The following MAP3K3 variants were observed in gnomAD, a reference collection of about 807,000 sequenced individuals.
MAP3K3 encodes MAP/ERK kinase kinase 3.
Under a neutral mutation model 80.9 loss-of-function variants are expected in MAP3K3, and 12 were observed. The ratio of observed to expected loss-of-function variants is 0.15; its 90% CI spans 0.10 to 0.24. The LOEUF (loss-of-function observed/expected upper bound fraction) is 0.24. MAP3K3 is among the 10% of genes least tolerant of loss of function. MAP3K3 has a pLI of 1.00. For synonymous variants in MAP3K3, 272 were observed against 307.1 expected (o/e 0.89, Z 1.19); for missense variants, 596 against 834.7 (o/e 0.71, Z 3.52).
At chr17:63,677,665 G>A (rs1329795145) in intron 6 of MAP3K3, among the ~76,000 whole-genome samples, 1 of 152,156 alleles carries the variant, frequency 6.6e-6, no homozygotes, top group Non-Finnish European at 1.5e-5. Flanking sequence ...CCTGGCCTCT[G>A]ACTCCCAAAT....
At position 63,648,684 on chromosome 17, in the gene MAP3K3, C is replaced by T. The variant is rs150019221; in HGVS notation, c.167+2610C>T. On this transcript the variant is annotated intron_variant, in intron 3 of 15. Coordinates refer to ENST00000361733, the MANE Select transcript of MAP3K3 (RefSeq NM_002401.5). ...ACAAAAATTAGCCGGGCGTGGTGGC[C>T]GGCGTCTGTAGTCCCAGCTACTCGG... is the stretch of plus-strand genomic sequence containing the variant. Among the ~76,000 whole-genome samples, 1,226 of 151,978 alleles carry T rather than the reference C, an allele frequency of 8.1e-3. 21 individuals are homozygous for T. The highest frequency in any genetic ancestry group is 0.028 in the African/African-American group (1,153 of 41,456).
chr17:63,651,756 A>G (rs1006190727), intron 3 of MAP3K3, among the ~76,000 whole-genome samples: 1 of 152,216 alleles, frequency 6.6e-6, no homozygotes, highest in East Asian at 1.9e-4. Context: ...GAAAATCTTC[A>G]ATGTCAATAC....
chr17:63,680,632 G>A lies in MAP3K3; in HGVS notation c.503-1134G>A, dbSNP rs75041420. Among the ~76,000 whole-genome samples the A allele has an allele frequency of 3.0e-3, 462 of 152,226 alleles. 18 individuals carry two copies. The East Asian group carries it at 0.078, about 26-fold the overall frequency. On this transcript the variant is annotated intron_variant, in intron 6 of 15. Coordinates refer to ENST00000361733, the MANE Select transcript of MAP3K3 (RefSeq NM_002401.5). ...AAATCCCTTATGGCAGAAAAACATT[G>A]CTCAGTGACTTACAAAGTGTGTCAT...
intron 1 of MAP3K3, among the ~76,000 whole-genome samples, chr17:63,626,073 C>T (rs2034095783): frequency 6.6e-6 from 1 of 152,068 alleles, no homozygotes; most frequent in African/African-American, 2.4e-5. Flanking sequence ...GAGACCCTGT[C>T]TCTAAAACAA....
chr17:63,691,662 G>T lies in MAP3K3; in HGVS notation c.1345-71G>T. Reference sequence around the variant, plus strand: ...AATCACTCCTTTGCTGCCATGCTGGGGGCTGGAATGGGCTTGCCCCTCCAC... The same window carrying T: ...AATCACTCCTTTGCTGCCATGCTGGTGGCTGGAATGGGCTTGCCCCTCCAC... On this transcript the variant is annotated intron_variant, in intron 13 of 15. Coordinates refer to ENST00000361733, the MANE Select transcript of MAP3K3 (RefSeq NM_002401.5). The surrounding 1 kb of genome is among the most constrained non-coding windows in gnomAD (Gnocchi z 4.8). 1.3e-6 allele frequency: 2 copies of T among 1,568,226 alleles called. No individual in the cohort carries two copies. The highest frequency in any genetic ancestry group is 2.3e-5 in the South Asian group (2 of 86,292).
At position 63,649,753 on chromosome 17, in the gene MAP3K3, T is replaced by C. The variant is rs150335981; in HGVS notation, c.168-2804T>C. On this transcript the variant is annotated intron_variant, in intron 3 of 15. Coordinates refer to ENST00000361733, the MANE Select transcript of MAP3K3 (RefSeq NM_002401.5). The stretch of plus-strand genomic sequence containing the variant: ...ATCAATTTAAATTTAAATAGTCATA[T>C]GTGGCTAATGGCTGCCATATTGAAT... Among the ~76,000 whole-genome samples, 127 of 152,376 alleles carry C rather than the reference T, an allele frequency of 8.3e-4. 2 individuals are homozygous for C. The highest frequency in any genetic ancestry group is 3.0e-3 in the African/African-American group (124 of 41,592).
rs898252633 is a variant in MAP3K3, at chr17:63,693,281, C to G, written c.1653-268C>G. Among the ~76,000 whole-genome samples, 7 of 152,338 alleles carry G rather than the reference C, an allele frequency of 4.6e-5. No homozygotes were observed. Among genetic ancestry groups the G allele is most frequent in the Middle Eastern group, 6.8e-3 (2 of 294 alleles). ...GTTTGTGGTCATTTGTTAAGAGCAG[C>G]TATGGGTAGCTAATACAGTTATTGT... On this transcript the variant is annotated intron_variant, in intron 15 of 15. Coordinates refer to ENST00000361733, the MANE Select transcript of MAP3K3 (RefSeq NM_002401.5). This position sits in a 1 kb window ranked among gnomAD's most constrained non-coding sequence, Gnocchi z 4.2.
In MAP3K3 at chr17:63,655,527, T is replaced by G. The variant is rs941393546; in HGVS notation, c.268-2267T>G. Among the ~76,000 whole-genome samples the G allele has an allele frequency of 4.6e-5, 7 of 152,196 alleles. 1 individual carries two copies. Among genetic ancestry groups the G allele is most frequent in the African/African-American group, 1.7e-4 (7 of 41,446 alleles). On this transcript the variant is annotated intron_variant, in intron 4 of 15. Coordinates refer to ENST00000361733, the MANE Select transcript of MAP3K3 (RefSeq NM_002401.5). ...TTTGGTTTGAGACAGGGTTTCACTTTGTTGCGCAGGCCAGAGTGCAGTGTG... is the reference window on the plus strand; with the variant it reads ...TTTGGTTTGAGACAGGGTTTCACTTGGTTGCGCAGGCCAGAGTGCAGTGTG...
At chr17:63,653,961 C>T (rs2034711572) in intron 4 of MAP3K3, among the ~76,000 whole-genome samples, 1 of 152,052 alleles carries the variant, frequency 6.6e-6, no homozygotes, top group Non-Finnish European at 1.5e-5. Context: ...TGACCTCCTG[C>T]GCTCAAGCGA....
At chr17:63,641,154 G>C (rs1376201120) in intron 2 of MAP3K3, among the ~76,000 whole-genome samples, 2 of 151,960 alleles carry the variant, frequency 1.3e-5, no homozygotes, top group Admixed American at 6.6e-5. Context: ...TAATTCTTTT[G>C]ATAATTCCGT....
chr17:63,663,501 A>G (rs1252839088), intron 5 of MAP3K3, among the ~76,000 whole-genome samples: 1 of 136,922 alleles, frequency 7.3e-6, no homozygotes, highest in African/African-American at 3.0e-5. Flanking sequence ...ACTCCGTCTC[A>G]AAAAAAAAAA....
At chr17:63,687,389 G>A (rs1232136758) in intron 8 of MAP3K3, among the ~76,000 whole-genome samples, 2 of 151,186 alleles carry the variant, frequency 1.3e-5, no homozygotes, top group African/African-American at 4.9e-5. Flanking sequence ...GGCAGGCGCC[G>A]TAATCCCAGC....
intron 2 of MAP3K3, among the ~76,000 whole-genome samples, chr17:63,635,605 A>G (rs977520228): frequency 2.6e-5 from 4 of 152,216 alleles, no homozygotes; most frequent in Non-Finnish European, 4.4e-5. Context: ...GGTAAGAGGT[A>G]GTGCGGGGAA....
At chr17:63,632,047 T>C (rs1016583185) in intron 1 of MAP3K3, among the ~76,000 whole-genome samples, 4 of 152,206 alleles carry the variant, frequency 2.6e-5, no homozygotes, top group African/African-American at 9.7e-5. Context: ...CATATTACAT[T>C]GTACTGTGTT....
At chr17:63,665,328 G>A (rs867381983) in intron 5 of MAP3K3, among the ~76,000 whole-genome samples, 3 of 151,946 alleles carry the variant, frequency 2.0e-5, no homozygotes, top group Middle Eastern at 3.4e-3. Flanking sequence ...ACCACGCCCA[G>A]CTAATTTTTT....
intron 6 of MAP3K3, chr17:63,668,134 T>G (rs1295948778): frequency 6.6e-6 from 1 of 152,296 alleles, no homozygotes; most frequent in Admixed American, 6.5e-5. Context: ...AGCTTTGCCC[T>G]TATCCATATA....
Position 63,641,322 on chromosome 17 carries a change from A to G in MAP3K3, c.127-4712A>G, listed in dbSNP as rs1431593272. Among the ~76,000 whole-genome samples the G allele has an allele frequency of 6.0e-5, 9 of 150,694 alleles. No homozygotes were observed. In the East Asian group the frequency reaches 1.8e-3, roughly 29 times the overall value. On this transcript the variant is annotated intron_variant, in intron 2 of 15. Transcript: ENST00000361733. ...CAGTGGCGTGATCTCGGCTTGCTGC[A>G]ACCTCCACTTCCTGGGTTCAAGCAA...
At chr17:63,636,928 A>G in intron 2 of MAP3K3, 2 of 531,874 alleles carry the variant, frequency 3.8e-6, no homozygotes, top group Non-Finnish European at 7.1e-6. Context: ...TATGCGCTTC[A>G]TCCAGCTGGA....
In MAP3K3 at chr17:63,693,478, C is replaced by G. The variant is rs2035634194; in HGVS notation, c.1653-71C>G. 7.3e-7 allele frequency: 1 copy of G among 1,370,614 alleles called. No individual in the cohort carries two copies. The highest frequency in any genetic ancestry group is 1.3e-5 in the South Asian group (1 of 77,454). 84.9% of individuals were successfully genotyped at this position (1,370,614 alleles called of 1,614,324 possible). On this transcript the variant is annotated intron_variant, in intron 15 of 15. Coordinates refer to ENST00000361733, the MANE Select transcript of MAP3K3 (RefSeq NM_002401.5). This position sits in a 1 kb window ranked among gnomAD's most constrained non-coding sequence, Gnocchi z 4.2. ...CTTGCTGTGAGAAAGGCGCCTCTTT[C>G]TGCAGTGGTGGGCAGGACAGCTGGG...
Sources: allele counts gnomAD v4.1 joint callset (sites outside exome capture counted in the v4.1 genomes callset), GRCh38; gene constraint gnomAD v4.1.1; non-coding constraint Gnocchi (gnomAD v3.1); transcripts MANE v1.5; gene names NCBI Gene and HGNC (gene_info 2026-07-23, HGNC 2026-07-21).